CADM2: variants seen among roughly 807,000 people sequenced by gnomAD.
The protein encoded by CADM2 is immunoglobulin superfamily member 4D.
A neutral mutation model predicts 49.8 loss-of-function variants in CADM2; 12 were observed. The ratio of observed to expected loss-of-function variants is 0.24; its 90% confidence interval spans 0.15 to 0.39. The LOEUF (loss-of-function observed/expected upper bound fraction) is 0.39, where lower values mean the gene tolerates loss of function less well. Among genes scored for constraint, CADM2 ranks in the 10% least tolerant of loss-of-function variants. CADM2 has a pLI of 1.00. For synonymous variants in CADM2, 214 were observed against 175.4 expected, an observed-to-expected ratio of 1.22 and a Z score of -1.74; for missense variants, 378 against 492.3, an observed-to-expected ratio of 0.77 and a Z score of 2.20.
chr3:85,777,399 G>A (rs2070410731), intron 2 of CADM2, among the ~76,000 whole-genome samples: 1 of 151,942 alleles, frequency 6.6e-6, no homozygotes, highest in South Asian at 2.1e-4. Context: ...GGAACTACAG[G>A]CACATGCCAC....
At chr3:85,606,507 A>T (rs2063543285) in intron 1 of CADM2, among the ~76,000 whole-genome samples, 1 of 152,146 alleles carries the variant, frequency 6.6e-6, no homozygotes, top group Non-Finnish European at 1.5e-5. Context: ...TATATTTACT[A>T]AATTGTTTTG....
At chr3:85,674,893 C>A (rs2065848720) in intron 1 of CADM2, among the ~76,000 whole-genome samples, 1 of 152,088 alleles carries the variant, frequency 6.6e-6, no homozygotes, top group Non-Finnish European at 1.5e-5. Flanking sequence ...TATCGAATTT[C>A]TGTTTGCTCT....
At chr3:85,471,413 G>T (rs962783874) in intron 1 of CADM2, among the ~76,000 whole-genome samples, 2 of 152,000 alleles carry the variant, frequency 1.3e-5, no homozygotes, top group Non-Finnish European at 2.9e-5. Context: ...TAACTTCAAG[G>T]GAAGCTGACA....
chr3:85,849,225 T>G (rs2075000060), intron 3 of CADM2, among the ~76,000 whole-genome samples: 1 of 152,222 alleles, frequency 6.6e-6, no homozygotes, highest in Non-Finnish European at 1.5e-5. Context: ...AGTTCACTGA[T>G]TACTGTCAGT....
At chr3:85,086,654 G>A (rs2037390259) in intron 1 of CADM2, among the ~76,000 whole-genome samples, 2 of 151,750 alleles carry the variant, frequency 1.3e-5, no homozygotes, top group Non-Finnish European at 2.9e-5. Flanking sequence ...GGGATTGCAG[G>A]TGTGCACCAC....
chr3:85,546,768 T>TA (rs2061677942), intron 1 of CADM2, among the ~76,000 whole-genome samples: 1 of 151,924 alleles, frequency 6.6e-6, no homozygotes, highest in Admixed American at 6.6e-5. Flanking sequence ...GAGTCAAATG[T>TA]AAAAAAGTGA....
At chr3:85,187,501 G>T (rs921040095) in intron 1 of CADM2, among the ~76,000 whole-genome samples, 1 of 151,982 alleles carries the variant, frequency 6.6e-6, no homozygotes, top group Non-Finnish European at 1.5e-5. Context: ...CTATTTGAGA[G>T]AAAATATTAG....
rs148317273 is a variant in CADM2, at chr3:85,226,466, A to T, written c.61+266798A>T. On this transcript the variant is annotated intron_variant, in intron 1 of 9. Coordinates refer to ENST00000383699, the MANE Select transcript of CADM2 (RefSeq NM_001167675.2). ...TTGTATTTCTGTGGGACTGGGGGTGATATCACCTTTATCATTTTTTATCGC... is the reference window on the plus strand; with the variant it reads ...TTGTATTTCTGTGGGACTGGGGGTGTTATCACCTTTATCATTTTTTATCGC... 8.5e-4 allele frequency among the ~76,000 whole-genome samples: 130 copies of T among 152,102 alleles called. No homozygotes were observed. In the East Asian group the frequency reaches 0.022, roughly 26 times the overall value.
intron 1 of CADM2, among the ~76,000 whole-genome samples, chr3:85,147,349 A>G (rs1358219107): frequency 6.6e-6 from 1 of 150,518 alleles, no homozygotes; most frequent in African/African-American, 2.4e-5. Flanking sequence ...GGGGATGACC[A>G]GATTGTTTAG....
At chr3:85,777,957 C>T (rs796581959) in intron 2 of CADM2, among the ~76,000 whole-genome samples, 7 of 152,214 alleles carry the variant, frequency 4.6e-5, no homozygotes, top group African/African-American at 1.2e-4. Context: ...AATATGCATA[C>T]GTAGGTGTTA....
At chr3:85,847,947 T>C (rs1284898779) in intron 3 of CADM2, among the ~76,000 whole-genome samples, 4 of 152,170 alleles carry the variant, frequency 2.6e-5, no homozygotes, top group African/African-American at 4.8e-5. Flanking sequence ...TGTTACTTAA[T>C]TTATTAGTTA....
chr3:85,528,796 T>G (rs1052360599), intron 1 of CADM2, among the ~76,000 whole-genome samples: 2 of 152,210 alleles, frequency 1.3e-5, no homozygotes. Context: ...AGAGAGTCAC[T>G]ACTAGTGTTG....
intron 1 of CADM2, among the ~76,000 whole-genome samples, chr3:85,424,472 A>G (rs1265090020): frequency 6.6e-6 from 1 of 152,064 alleles, no homozygotes; most frequent in Non-Finnish European, 1.5e-5. Flanking sequence ...TTCTTAGTTG[A>G]CAAGTATTAG....
intron 1 of CADM2, among the ~76,000 whole-genome samples, chr3:85,270,268 G>C (rs910270773): frequency 6.6e-6 from 1 of 151,296 alleles, no homozygotes; most frequent in African/African-American, 2.4e-5. Context: ...AGAATATTCA[G>C]AGATAAATAA....
chr3:85,348,944 A>G (rs1401685093), intron 1 of CADM2, among the ~76,000 whole-genome samples: 4 of 152,182 alleles, frequency 2.6e-5, no homozygotes, highest in Non-Finnish European at 5.9e-5. Context: ...TACAATGAAT[A>G]CAAAGAAAAA....
chr3:85,845,556 C>G (rs189207972), intron 3 of CADM2, among the ~76,000 whole-genome samples: 1 of 152,188 alleles, frequency 6.6e-6, no homozygotes, highest in African/African-American at 2.4e-5. Flanking sequence ...GCTGAGGTGG[C>G]CTCCTCCGTA....
chr3:85,585,506 T>G (rs920010239), intron 1 of CADM2, among the ~76,000 whole-genome samples: 4 of 151,872 alleles, frequency 2.6e-5, no homozygotes, highest in Admixed American at 2.6e-4. Flanking sequence ...TGTTGCTGGT[T>G]TTGCTGTTTC....
At chr3:85,321,116 ATTTTTTTTTTTTTT>A (rs1157576505) in intron 1 of CADM2, among the ~76,000 whole-genome samples, 6 of 27,486 alleles carry the variant, frequency 2.2e-4, no homozygotes, top group African/African-American at 2.9e-4. Flanking sequence ...ATATATATAT[ATTTTTTTTTTTTTT>A]TTTTTTTTTT....
intron 1 of CADM2, among the ~76,000 whole-genome samples, chr3:85,117,056 A>C (rs2038664236): frequency 6.6e-6 from 1 of 151,990 alleles, no homozygotes; most frequent in South Asian, 2.1e-4. Flanking sequence ...CCCCATCTCT[A>C]CTAAAAATAC....
Sources: allele counts gnomAD v4.1 joint callset (sites outside exome capture counted in the v4.1 genomes callset), GRCh38; gene constraint gnomAD v4.1.1; transcripts MANE v1.5; gene names NCBI Gene and HGNC (gene_info 2026-07-23, HGNC 2026-07-21).